ADGRF1: variants seen among roughly 807,000 people sequenced by gnomAD.
The protein encoded by ADGRF1 is adhesion G protein-coupled receptor F1.
ADGRF1 carries 85 observed loss-of-function variants against 87.2 expected under a neutral mutation model. That is an observed-to-expected ratio of 0.97 (90% CI 0.82 to 1.17). ADGRF1 has a LOEUF of 1.17. Among genes scored for constraint, ADGRF1 ranks in the 50% most tolerant of loss-of-function variants. The pLI is 0.00. For missense variants in ADGRF1, 1,169 were observed against 1,077.2 expected, an observed-to-expected ratio of 1.09 and a Z score of -1.19; for synonymous variants, 430 against 408.8, an observed-to-expected ratio of 1.05 and a Z score of -0.63.
At chr6:47,028,869 C>A in intron 2 of ADGRF1, 124 bp downstream of exon 2, 1 of 755,310 alleles carries the variant, frequency 1.3e-6, no homozygotes, top group Non-Finnish European at 2.4e-6. Flanking sequence ...GAACTCAGGA[C>A]TTCTGATCTC....
intron 9 of ADGRF1, chr6:47,013,065 C>T (rs1380473898): frequency 2.0e-6 from 2 of 985,450 alleles, no homozygotes; most frequent in Non-Finnish European, 2.4e-6. Context: ...AGCCACTGCA[C>T]CCGGCCCTAG....
Position 47,009,991 on chromosome 6 carries a change from T to C in ADGRF1, c.1444A>G (p.Met482Val). The change falls in exon 11 of 15, where the codon ATG becomes GTG. Residue 482 changes from methionine to valine, a missense_variant. Transcript: ENST00000371253. ...ATGTTCCCCAGAGTCAACGAGGCCA[T>C]GCTGATAATAGTTTCTGGAAGGGAT... The part of the protein sequence containing the change: ...QRSLPETIIS[M>V]ASLTLGNILP... 2.5e-6 allele frequency: 4 copies of C among 1,614,144 alleles called. No individual in the cohort carries two copies. The highest frequency in any genetic ancestry group is 3.4e-6 in the Non-Finnish European group (4 of 1,180,002).
At chr6:47,039,441 C>A (rs1780675292) in intron 1 of ADGRF1, among the ~76,000 whole-genome samples, 1 of 152,138 alleles carries the variant, frequency 6.6e-6, no homozygotes, top group Non-Finnish European at 1.5e-5. Flanking sequence ...ATGCCAGGTC[C>A]CAGTTTCCAT....
chr6:47,035,072 A>G (rs1172886822), intron 1 of ADGRF1, among the ~76,000 whole-genome samples: 1 of 152,152 alleles, frequency 6.6e-6, no homozygotes, highest in Non-Finnish European at 1.5e-5. Flanking sequence ...AGTAGGATTC[A>G]TTTCCCACAG....
At chr6:47,027,876 T>G in intron 2 of ADGRF1, 115 bp from the exon 3 acceptor site, 1 of 741,148 alleles carries the variant, frequency 1.3e-6, no homozygotes. Context: ...AAGCCAGGGA[T>G]GGTGGAGAGG....
At chr6:47,020,285 G>T in intron 7 of ADGRF1, 1 of 1,135,832 alleles carries the variant, frequency 8.8e-7, no homozygotes, top group Non-Finnish European at 1.2e-6. Context: ...CTGAGGTCAG[G>T]AGTTTGAGAC....
chr6:47,007,202 G>A (rs745859038), intron 12 of ADGRF1, 51 bp downstream of exon 12: 1 of 1,084,608 alleles, frequency 9.2e-7, no homozygotes, highest in Admixed American at 2.1e-5. Flanking sequence ...AAAGGGGAGG[G>A]GGCCTAAGAT....
intron 10 of ADGRF1, 95 bp downstream of exon 10, chr6:47,011,912 G>A: frequency 8.5e-7 from 1 of 1,178,758 alleles, no homozygotes; most frequent in South Asian, 1.5e-5. Flanking sequence ...ATGGCTTTCT[G>A]TCTTTTCCAA....
rs746232228 is a variant in ADGRF1 at position 47,009,139 on chromosome 6, G to A, written c.2296C>T (p.Leu766Phe). 5 of 1,614,124 alleles carry A rather than the reference G, an allele frequency of 3.1e-6. No homozygotes were observed. The Admixed American group carries it at 6.7e-5, about 22-fold the overall frequency. ...ACAGTCGGCCTCCAGAGCTTTGTGA[G>A]AACTAGCAGCACCACAACGAAGTTC... ...AVNFVVVLLV[L>F]TKLWRPTVGE... The change falls in exon 11 of 15, where the codon CTC (leucine) becomes TTC (phenylalanine). Residue 766 changes from leucine (L) to phenylalanine (F), a missense_variant. Leu to Phe is a conservative substitution (Grantham distance 22). Transcript: ENST00000371253.
chr6:47,002,577 C>T (rs1386903334), intron 13 of ADGRF1, among the ~76,000 whole-genome samples: 1 of 152,092 alleles, frequency 6.6e-6, no homozygotes, highest in Non-Finnish European at 1.5e-5. Flanking sequence ...TTGTAACATA[C>T]TCAATATACT....
chr6:47,038,591 G>T (rs1780656927), intron 1 of ADGRF1, among the ~76,000 whole-genome samples: 1 of 151,998 alleles, frequency 6.6e-6, no homozygotes, highest in Non-Finnish European at 1.5e-5. Flanking sequence ...CTTTGTGTTG[G>T]GAACATTGAA....
chr6:47,008,868 G>C, intron 11 of ADGRF1, 77 bp downstream of exon 11: 1 of 1,262,312 alleles, frequency 7.9e-7, no homozygotes, highest in Admixed American at 2.3e-5. Context: ...ATAATCTCCA[G>C]AGTGGTTTTA....
At chr6:47,026,039 T>C in intron 3 of ADGRF1, 36 bp from the exon 4 acceptor site, 15 of 1,527,720 alleles carry the variant, frequency 9.8e-6, no homozygotes, top group Non-Finnish European at 1.3e-5. Context: ...CCTTTTTTTC[T>C]GTCCTTGGGG....
At chr6:47,032,087 A>T (rs1286411662) in intron 1 of ADGRF1, among the ~76,000 whole-genome samples, 5 of 152,172 alleles carry the variant, frequency 3.3e-5, no homozygotes, top group Non-Finnish European at 7.3e-5. Flanking sequence ...GACTGTTTTA[A>T]GTATAGGAAA....
intron 7 of ADGRF1, 181 bp from the exon 8 acceptor site, chr6:47,016,949 G>C: frequency 4.3e-6 from 2 of 468,638 alleles, no homozygotes; most frequent in Non-Finnish European, 6.2e-6. Context: ...ATATATATAT[G>C]ATATATATAT....
chr6:47,030,473 G>A (rs927759884), intron 1 of ADGRF1, among the ~76,000 whole-genome samples: 3 of 151,834 alleles, frequency 2.0e-5, no homozygotes, highest in Non-Finnish European at 4.4e-5. Flanking sequence ...TCCCGCCTGC[G>A]CTTTCTGCTT....
chr6:47,025,223 G>C (rs1274642667), intron 4 of ADGRF1, among the ~76,000 whole-genome samples: 1 of 152,144 alleles, frequency 6.6e-6, no homozygotes, highest in African/African-American at 2.4e-5. Flanking sequence ...GGTGTGCAGT[G>C]AATGGGTCTC....
At chr6:47,014,161 T>A (rs1779790952) in intron 9 of ADGRF1, 2 of 648,526 alleles carry the variant, frequency 3.1e-6, no homozygotes, top group South Asian at 1.4e-4. Context: ...GGCCCCTTGG[T>A]CTTTTGTTTT....
At chr6:47,008,908 A>G in intron 11 of ADGRF1, 37 bp downstream of exon 11, 1 of 1,524,652 alleles carries the variant, frequency 6.6e-7, no homozygotes, top group African/African-American at 1.4e-5. Flanking sequence ...TATTCCAATC[A>G]CTTGACAATA....
Sources: gnomAD v4.1 joint callset for allele counts (sites outside exome capture counted in the v4.1 genomes callset) on GRCh38, gnomAD v4.1.1 for gene constraint, MANE v1.5 for transcripts, NCBI Gene and HGNC (gene_info 2026-07-23, HGNC 2026-07-21) for gene names.